The following PRMT3 variants were observed in gnomAD, a reference collection of about 807,000 sequenced individuals.
The protein encoded by PRMT3 is protein arginine methyltransferase 3.
In PRMT3, 62 loss-of-function variants were observed where a neutral mutation model predicts 71.9. The ratio of observed to expected loss-of-function variants is 0.86; its 90% confidence interval spans 0.70 to 1.07. The LOEUF (loss-of-function observed/expected upper bound fraction) is 1.07, where lower values mean the gene tolerates loss of function less well. PRMT3 is among the 50% of genes least tolerant of loss of function. PRMT3 has a pLI of 0.00. For missense variants in PRMT3, 663 were observed against 643.0 expected, an observed-to-expected ratio of 1.03 and a Z score of -0.34; for synonymous variants, 213 against 220.4, an observed-to-expected ratio of 0.97 and a Z score of 0.30.
In PRMT3 at chr11:20,426,893, C is replaced by G. The variant is rs764392891; in HGVS notation, c.993+28C>G. 5.3e-6 allele frequency: 8 copies of G among 1,502,966 alleles called. No individual in the cohort carries two copies. In the South Asian group the frequency reaches 9.7e-5, roughly 18 times the overall value. 93.1% of individuals were successfully genotyped at this position (1,502,966 alleles called of 1,614,324 possible). A position where few individuals can be genotyped will look rare whatever the true frequency, so the allele number is the denominator to read the frequency against. On this transcript the variant is annotated intron_variant, in intron 10 of 15. Transcript: ENST00000331079. The stretch of plus-strand genomic sequence containing the variant: ...GAGTGTTTATAGAAAAAACTACTTT[C>G]ACTGGTAAAATGAAAAAACTTTTTT...
At chr11:20,390,991 A>C (rs1368353781) in intron 3 of PRMT3, among the ~76,000 whole-genome samples, 2 of 151,854 alleles carry the variant, frequency 1.3e-5, no homozygotes, top group African/African-American at 2.4e-5. Flanking sequence ...CGGAGGTTGC[A>C]GTGAGCTAAG....
At chr11:20,391,583 T>C (rs914048460) in intron 3 of PRMT3, among the ~76,000 whole-genome samples, 11 of 152,198 alleles carry the variant, frequency 7.2e-5, no homozygotes, top group Non-Finnish European at 1.2e-4. Flanking sequence ...ATTAGAATCA[T>C]ACTTAAGATA....
chr11:20,473,990 C>G (rs1396791293), intron 13 of PRMT3, among the ~76,000 whole-genome samples: 2 of 152,134 alleles, frequency 1.3e-5, no homozygotes, highest in African/African-American at 4.8e-5. Context: ...TTTTCCCATA[C>G]CAAGTGTCAT....
chr11:20,414,281 C>T (rs1446786124), intron 9 of PRMT3, among the ~76,000 whole-genome samples: 1 of 152,022 alleles, frequency 6.6e-6, no homozygotes, highest in African/African-American at 2.4e-5. Context: ...GAATTGGATA[C>T]ATTTTGGTTG....
intron 7 of PRMT3, among the ~76,000 whole-genome samples, chr11:20,399,791 C>T (rs10766669): frequency 0.86 from 130,342 of 152,162 alleles, 56,908 homozygotes; most frequent in Non-Finnish European, 0.95. Context: ...AACCATAAGA[C>T]TTCACACCTG....
At chr11:20,432,404 C>T (rs1849672804) in intron 10 of PRMT3, among the ~76,000 whole-genome samples, 1 of 152,050 alleles carries the variant, frequency 6.6e-6, no homozygotes, top group Non-Finnish European at 1.5e-5. Context: ...TACAAATTGT[C>T]TCCTATAAAC....
chr11:20,457,998 G>T (rs957326669), intron 11 of PRMT3, among the ~76,000 whole-genome samples: 11 of 152,158 alleles, frequency 7.2e-5, no homozygotes, highest in Non-Finnish European at 1.5e-4. Flanking sequence ...ATGGGGAAAT[G>T]AGTCCAATTT....
intron 10 of PRMT3, among the ~76,000 whole-genome samples, chr11:20,450,795 G>C (rs1042361593): frequency 6.6e-6 from 1 of 151,898 alleles, no homozygotes; most frequent in Non-Finnish European, 1.5e-5. Flanking sequence ...TGGGTTTGCA[G>C]GTTTTTCTTG....
At chr11:20,415,017 GGTGTGT>G (rs377570784) in intron 9 of PRMT3, among the ~76,000 whole-genome samples, 22 of 135,426 alleles carry the variant, frequency 1.6e-4, no homozygotes, top group African/African-American at 4.2e-4. Context: ...TGGTGGTAGT[GGTGTGT>G]GTGTGTGTGT....
At chr11:20,439,169 A>C (rs1653520016) in intron 10 of PRMT3, among the ~76,000 whole-genome samples, 2 of 152,158 alleles carry the variant, frequency 1.3e-5, no homozygotes, top group Non-Finnish European at 2.9e-5. Context: ...TTGGGAGAGC[A>C]CAGCTATTTG....
chr11:20,395,335 ATATT>A (rs1303702745), intron 5 of PRMT3, among the ~76,000 whole-genome samples: 3 of 151,254 alleles, frequency 2.0e-5, no homozygotes, highest in Non-Finnish European at 3.0e-5. Context: ...TAGATGATAA[ATATT>A]TATTATTATT....
At chr11:20,495,441 G>C (rs1360023040) in intron 15 of PRMT3, among the ~76,000 whole-genome samples, 1 of 152,100 alleles carries the variant, frequency 6.6e-6, no homozygotes, top group African/African-American at 2.4e-5. Flanking sequence ...CAGGAGGCTT[G>C]CTTGAGTCTG....
At chr11:20,437,475 G>T (rs1402309141) in intron 10 of PRMT3, among the ~76,000 whole-genome samples, 1 of 152,176 alleles carries the variant, frequency 6.6e-6, no homozygotes, top group Non-Finnish European at 1.5e-5. Context: ...CCAGATAGGT[G>T]CAGTGGTATA....
In PRMT3 at chr11:20,467,492, G is replaced by C. The variant is rs185548550; in HGVS notation, c.1347+2946G>C. On this transcript the variant is annotated intron_variant, in intron 13 of 15. Transcript: ENST00000331079. ...AGAACTTAGAGAAACCTATGAATAA[G>C]ATCTTACAGGGGTAGAAGAAAGCAG... 5.9e-5 allele frequency among the ~76,000 whole-genome samples: 9 copies of C among 152,270 alleles called. No homozygotes were observed. The East Asian group carries it at 1.7e-3, about 29-fold the overall frequency.
At chr11:20,393,330 C>G (rs894490935) in intron 5 of PRMT3, among the ~76,000 whole-genome samples, 11 of 152,066 alleles carry the variant, frequency 7.2e-5, no homozygotes, top group Admixed American at 6.6e-4. Flanking sequence ...TTCTGTAGTC[C>G]CATCTACTCG....
chr11:20,491,772 G>T (rs978282163), intron 13 of PRMT3, among the ~76,000 whole-genome samples: 1 of 152,122 alleles, frequency 6.6e-6, no homozygotes, highest in Admixed American at 6.5e-5. Flanking sequence ...CTTTTGCTGT[G>T]TGGGTTTGGA....
chr11:20,461,793 G>T (rs926465588), intron 11 of PRMT3, among the ~76,000 whole-genome samples, 187 bp from the exon 12 acceptor site: 2 of 152,050 alleles, frequency 1.3e-5, no homozygotes, highest in Admixed American at 6.6e-5. Flanking sequence ...TCATGATAAT[G>T]CGTATCTGTT....
chr11:20,494,727 A>G (rs1038222820), intron 15 of PRMT3, among the ~76,000 whole-genome samples: 4 of 152,238 alleles, frequency 2.6e-5, no homozygotes, highest in African/African-American at 9.6e-5. Context: ...AATTAAAGAC[A>G]TAATTTAAGA....
chr11:20,404,526 C>T (rs557264193), intron 8 of PRMT3, among the ~76,000 whole-genome samples: 38 of 152,118 alleles, frequency 2.5e-4, no homozygotes, highest in East Asian at 2.1e-3. Flanking sequence ...GCCACCACGC[C>T]GGCCCTTCAT....
Sources: allele counts gnomAD v4.1 joint callset (sites outside exome capture counted in the v4.1 genomes callset), GRCh38; gene constraint gnomAD v4.1.1; transcripts MANE v1.5; gene names NCBI Gene and HGNC (gene_info 2026-07-23, HGNC 2026-07-21).